MARCHF1: variants seen among roughly 807,000 people sequenced by gnomAD.
MARCHF1 encodes membrane associated ring-CH-type finger 1, also known as E3 ubiquitin-protein ligase MARCHF1.
In MARCHF1, 40 loss-of-function variants were observed where a neutral mutation model predicts 54.2. That is an observed-to-expected ratio of 0.74 (90% CI 0.57 to 0.96). The LOEUF (loss-of-function observed/expected upper bound fraction) is 0.96, where lower values mean the gene tolerates loss of function less well. Ranked by LOEUF, MARCHF1 falls within the 40% of genes least tolerant of loss-of-function variation. The pLI is 0.00. For missense variants in MARCHF1, 586 were observed against 656.5 expected, an observed-to-expected ratio of 0.89 and a Z score of 1.17; for synonymous variants, 236 against 236.3, an observed-to-expected ratio of 1.00 and a Z score of 0.01.
chr4:164,205,038 CTTAA>C, intron 1 of MARCHF1, among the ~76,000 whole-genome samples: 1 of 152,216 alleles, frequency 6.6e-6, no homozygotes, highest in East Asian at 1.9e-4. Context: ...GAGAGAATGT[CTTAA>C]TTCTTATATA....
chr4:163,985,369 T>C (rs184841577), intron 3 of MARCHF1, among the ~76,000 whole-genome samples: 3 of 152,292 alleles, frequency 2.0e-5, no homozygotes, highest in African/African-American at 7.2e-5. Flanking sequence ...GGACATAATA[T>C]ATTATTTTGT....
intron 3 of MARCHF1, among the ~76,000 whole-genome samples, chr4:163,936,876 A>G (rs1751808261): frequency 6.6e-6 from 1 of 152,178 alleles, no homozygotes; most frequent in African/African-American, 2.4e-5. Context: ...AGCCTCTCCA[A>G]GAAGAGTATA....
At chr4:163,592,184 A>G (rs1441190819) in intron 7 of MARCHF1, among the ~76,000 whole-genome samples, 1 of 152,152 alleles carries the variant, frequency 6.6e-6, no homozygotes, top group Non-Finnish European at 1.5e-5. Context: ...AACAGATAAT[A>G]CCATTTTTGT....
In MARCHF1 at chr4:163,771,324, T is replaced by C. The variant is rs116211652; in HGVS notation, c.112-70461A>G. The stretch of plus-strand genomic sequence containing the variant: ...GTCCAAAATGTCAATAGTGCTGAGG[T>C]TGAGAAAGCGGCTTTTCTAAGATTC... On this transcript the variant is annotated intron_variant, in intron 4 of 9. Transcript: ENST00000514618. 2.1e-3 allele frequency among the ~76,000 whole-genome samples: 313 copies of C among 152,256 alleles called. 1 individual carries two copies. The highest frequency in any genetic ancestry group is 7.1e-3 in the African/African-American group (295 of 41,556).
Position 163,603,058 on chromosome 4 carries a change from A to C in MARCHF1, c.1010+9213T>G, listed in dbSNP as rs116818999. Among the ~76,000 whole-genome samples the C allele has an allele frequency of 2.4e-3, 371 of 152,226 alleles. 2 individuals carry two copies. The highest frequency in any genetic ancestry group is 6.9e-3 in the Admixed American group (106 of 15,262). Reference sequence around the variant, plus strand: ...ATGATAACGTGTGCTACTGTTCCAAAGGTTTGCAGAGAGCCAATGGGCAAG... The same window carrying C: ...ATGATAACGTGTGCTACTGTTCCAACGGTTTGCAGAGAGCCAATGGGCAAG... On this transcript the variant is annotated intron_variant, in intron 7 of 9. Transcript: ENST00000514618.
At chr4:163,619,833 A>G (rs903869334) in intron 5 of MARCHF1, among the ~76,000 whole-genome samples, 5 of 152,150 alleles carry the variant, frequency 3.3e-5, no homozygotes, top group African/African-American at 1.2e-4. Context: ...TGTTTATAAT[A>G]GGTGGAAAAA....
intron 2 of MARCHF1, among the ~76,000 whole-genome samples, chr4:164,107,294 A>G (rs1361751576): frequency 2.6e-5 from 4 of 152,186 alleles, no homozygotes; most frequent in African/African-American, 7.2e-5. Flanking sequence ...CATTAAGCAC[A>G]TATAATGATA....
At chr4:164,146,270 G>A (rs886800381) in intron 1 of MARCHF1, among the ~76,000 whole-genome samples, 1 of 148,556 alleles carries the variant, frequency 6.7e-6, no homozygotes, top group African/African-American at 2.5e-5. Context: ...CAGATTCCAT[G>A]CCATCCCCAT....
intron 4 of MARCHF1, among the ~76,000 whole-genome samples, chr4:163,842,579 C>T (rs1185762778): frequency 1.3e-5 from 2 of 152,032 alleles, no homozygotes; most frequent in South Asian, 2.1e-4. Flanking sequence ...AATTACTTGC[C>T]GTTTTCCTCT....
chr4:163,665,156 G>C (rs530396216), intron 5 of MARCHF1, among the ~76,000 whole-genome samples: 1 of 152,112 alleles, frequency 6.6e-6, no homozygotes, highest in African/African-American at 2.4e-5. Flanking sequence ...ACAGAATTAA[G>C]GCAAATTGAT....
rs1217284613 is a variant in MARCHF1 at position 163,527,367 on chromosome 4, A to ATAAT, written c.*1377_*1380dup. On this transcript the variant is annotated 3_prime_UTR_variant, in exon 10 of 10. Coordinates refer to ENST00000514618, the MANE Select transcript of MARCHF1 (RefSeq NM_001394959.1). ...AAAAGTAAGGGCTAGATTCTTAGTCATAATTACTCATCATCTGTCAAGTTG... is the reference window on the plus strand; with the variant it reads ...AAAAGTAAGGGCTAGATTCTTAGTCATAATTAATTACTCATCATCTGTCAAGTTG... 3 of 152,116 alleles carry ATAAT rather than the reference A, an allele frequency of 2.0e-5. No individual in the cohort carries two copies. Among genetic ancestry groups the ATAAT allele is most frequent in the East Asian group, 1.9e-4 (1 of 5,198 alleles). The allele number at this position is 152,116 out of a possible 1,614,324, so 9.4% of individuals were successfully genotyped here.
In MARCHF1 at chr4:164,372,709, C is replaced by T. The variant is rs183827974; in HGVS notation, c.-323+11161G>A. Among the ~76,000 whole-genome samples the T allele has an allele frequency of 8.1e-3, 1,238 of 152,004 alleles. 9 individuals are homozygous for T. Among genetic ancestry groups the T allele is most frequent in the Middle Eastern group, 0.017 (5 of 294 alleles). ...CATGTTTCATAAACTAATAATTATA[C>T]AATTAACTTATTTTTGAAATAAAGT... is the stretch of plus-strand genomic sequence containing the variant. On this transcript the variant is annotated intron_variant, in intron 1 of 9. Coordinates refer to ENST00000514618, the MANE Select transcript of MARCHF1 (RefSeq NM_001394959.1).
At chr4:164,016,221 A>G (rs1332626582) in intron 2 of MARCHF1, among the ~76,000 whole-genome samples, 1 of 152,184 alleles carries the variant, frequency 6.6e-6, no homozygotes, top group East Asian at 1.9e-4. Context: ...GAAACTTACA[A>G]TTATGGCAGA....
At chr4:164,142,907 G>T (rs566167815) in intron 1 of MARCHF1, among the ~76,000 whole-genome samples, 27 of 152,148 alleles carry the variant, frequency 1.8e-4, no homozygotes, top group Admixed American at 8.5e-4. Context: ...CAAAGGCAAA[G>T]AAATTGAAAA....
At chr4:163,778,925 C>A (rs1747383687) in intron 4 of MARCHF1, among the ~76,000 whole-genome samples, 3 of 152,066 alleles carry the variant, frequency 2.0e-5, no homozygotes, top group Admixed American at 2.0e-4. Context: ...CCTGACTCCA[C>A]CACTATGAAA....
At chr4:163,657,681 C>T (rs1743198660) in intron 5 of MARCHF1, among the ~76,000 whole-genome samples, 1 of 152,002 alleles carries the variant, frequency 6.6e-6, no homozygotes, top group Non-Finnish European at 1.5e-5. Flanking sequence ...CTACAGTAAC[C>T]AAAACAGCAT....
chr4:164,055,635 T>C (rs1047874276), intron 2 of MARCHF1, among the ~76,000 whole-genome samples: 3 of 152,136 alleles, frequency 2.0e-5, no homozygotes, highest in Non-Finnish European at 4.4e-5. Context: ...TTAAAACATT[T>C]CTCTTTTTGA....
intron 3 of MARCHF1, among the ~76,000 whole-genome samples, chr4:163,987,281 G>C (rs1180322723): frequency 1.3e-5 from 2 of 152,110 alleles, no homozygotes; most frequent in Non-Finnish European, 2.9e-5. Flanking sequence ...TTATGATGAG[G>C]CAATTACTAA....
At chr4:163,539,742 C>T (rs890953916) in intron 9 of MARCHF1, among the ~76,000 whole-genome samples, 2 of 152,174 alleles carry the variant, frequency 1.3e-5, no homozygotes, top group East Asian at 3.9e-4. Flanking sequence ...GAGAAATGCT[C>T]AGAAATCCCA....
Sources: allele counts gnomAD v4.1 joint callset (sites outside exome capture counted in the v4.1 genomes callset), GRCh38; gene constraint gnomAD v4.1.1; transcripts MANE v1.5; gene names NCBI Gene and HGNC (gene_info 2026-07-23, HGNC 2026-07-21).